Variants in KIFC3 observed in about 807,000 individuals in gnomAD.
KIFC3 encodes the protein kinesin family member C3, also known as kinesin-like protein KIFC3.
A neutral mutation model predicts 101.8 loss-of-function variants in KIFC3; 60 were observed. The ratio of observed to expected loss-of-function variants is 0.59; its 90% CI spans 0.48 to 0.73. KIFC3 has a LOEUF of 0.73. Among genes scored for constraint, KIFC3 ranks in the 30% least tolerant of loss-of-function variants. The pLI is 0.00. For missense variants in KIFC3, 966 were observed against 1,137.1 expected, an observed-to-expected ratio of 0.85 and a Z score of 2.16; for synonymous variants, 476 against 482.7, an observed-to-expected ratio of 0.99 and a Z score of 0.18.
intron 3 of KIFC3, among the ~76,000 whole-genome samples, chr16:57,773,422 G>A (rs1314660031): frequency 2.0e-5 from 3 of 152,176 alleles, no homozygotes; most frequent in Admixed American, 1.3e-4. Context: ...ACCCAGCATC[G>A]CCAAAATTCT....
At chr16:57,787,144 C>T (rs1259717170) in intron 3 of KIFC3, among the ~76,000 whole-genome samples, 1 of 152,248 alleles carries the variant, frequency 6.6e-6, no homozygotes, top group Non-Finnish European at 1.5e-5. Context: ...ATGAGCAGCA[C>T]GTGACCAGCG....
At chr16:57,792,061 AG>A (rs2053919032) in intron 3 of KIFC3, among the ~76,000 whole-genome samples, 1 of 152,240 alleles carries the variant, frequency 6.6e-6, no homozygotes, top group Admixed American at 6.5e-5. Context: ...GTCCCCTTGA[AG>A]GGTATGTGTT....
rs1555628177 is a variant in KIFC3, at chr16:57,813,627, G to T, written c.109-15345C>A. 3.1e-6 allele frequency: 3 copies of T among 957,506 alleles called. No individual in the cohort carries two copies. The East Asian group carries it at 3.4e-4, about 110-fold the overall frequency. 59.3% of individuals were successfully genotyped at this position (957,506 alleles called of 1,614,324 possible). On this transcript the variant is annotated intron_variant, in intron 1 of 2. Coordinates refer to the KIFC3 transcript ENST00000563028. ...AAACCTGCATGCCTGCCGAGTGCCT[G>T]CATGACAATAATTAGGATTTCCTAT...
Position 57,798,146 on chromosome 16 carries a change from G to A in KIFC3, c.98C>T (p.Ala33Val), listed in dbSNP as rs943939304. 6.5e-7 allele frequency: 1 copy of A among 1,549,554 alleles called. No homozygotes were observed. Among genetic ancestry groups the A allele is most frequent in the Admixed American group, 2.0e-5 (1 of 50,958 alleles). Reference sequence around the variant, plus strand: ...GCTGGCTGGGGCTGGGGCGGGGCGAGCCATCCCCGGCTCGGGCTCCGGGGC... The same window carrying A: ...GCTGGCTGGGGCTGGGGCGGGGCGAACCATCCCCGGCTCGGGCTCCGGGGC... ...GRAPEPEPGM[A>V]RPAPAPASPA... Residue 33 changes from alanine to valine, a missense_variant, in exon 2 of 20, where the codon GCT (alanine) becomes GTT (valine). Transcript: ENST00000445690.
At chr16:57,824,332 A>G (rs2055416086) in intron 1 of KIFC3, among the ~76,000 whole-genome samples, 1 of 152,250 alleles carries the variant, frequency 6.6e-6, no homozygotes, top group Admixed American at 6.5e-5. Context: ...CAGCCCACCC[A>G]GCAAGAGCTG....
Position 57,862,824 on chromosome 16 carries a change from C to A in KIFC3, c.13G>T (p.Glu5Ter). 7.8e-7 allele frequency: 1 copy of A among 1,287,812 alleles called. No homozygotes were observed. Among genetic ancestry groups the A allele is most frequent in the African/African-American group, 1.5e-5 (1 of 65,928 alleles). 79.8% of individuals were successfully genotyped at this position (1,287,812 alleles called of 1,614,324 possible). ...AGAGTGTTCTTCCTGAAAAGAAACT[C>A]CATCTGTGCCATTTTCCGAGCAATA... The change falls in exon 1 of 3, where the codon GAG (glutamate) becomes TAG (stop). Residue 5 changes from glutamate (E) to a stop codon, truncating the protein, a stop_gained. Transcript: ENST00000563028. LOFTEE classifies it high-confidence loss of function.
chr16:57,819,630 C>T (rs182561211), intron 1 of KIFC3, among the ~76,000 whole-genome samples: 39 of 151,696 alleles, frequency 2.6e-4, no homozygotes, highest in Admixed American at 1.6e-3. Flanking sequence ...GTGTGATCTC[C>T]GCTCACTGCA....
intron 1 of KIFC3, among the ~76,000 whole-genome samples, chr16:57,847,109 C>T (rs962746260): frequency 6.6e-6 from 1 of 151,264 alleles, no homozygotes; most frequent in South Asian, 2.1e-4. Flanking sequence ...CTCTTGAACA[C>T]GGGAGGCGGG....
In KIFC3 at chr16:57,798,310, T is replaced by C. The variant is rs966340715; in HGVS notation, c.-39-28A>G. ...GCGGAGAGAACAAGGGGAGATAAGC[T>C]TGAAGACCGTGGACCAGCACAACTG... On this transcript the variant is annotated intron_variant, in intron 1 of 19. Transcript: ENST00000445690. The C allele has an allele frequency of 7.2e-6, 11 of 1,533,374 alleles. No individual in the cohort carries two copies. The Admixed American group carries it at 1.6e-4, about 22-fold the overall frequency. 95.0% of individuals were successfully genotyped at this position (1,533,374 alleles called of 1,614,324 possible).
intron 1 of KIFC3, among the ~76,000 whole-genome samples, chr16:57,821,285 G>T (rs1010506245): frequency 2.6e-5 from 4 of 152,130 alleles, no homozygotes; most frequent in African/African-American, 9.7e-5. Flanking sequence ...AAGAGGGGTG[G>T]CTGGGCATCA....
In KIFC3 at chr16:57,761,476, A is replaced by G. The variant is rs1158123628; in HGVS notation, c.1809T>C (p.Ser603=). Reference sequence around the variant, plus strand: ...TCAGCCCTGGTACATACAGCTGCCCACTGCCGTCTGGGCACAGCCGGATCT... The same window carrying G: ...TCAGCCCTGGTACATACAGCTGCCCGCTGCCGTCTGGGCACAGCCGGATCT... ...KLEIRLCPDG[S]GQLYVPGLTE... The change falls in exon 14 of 20, where the codon AGT becomes AGC. Residue 603 remains serine, a synonymous_variant. Transcript: ENST00000445690. 2 of 1,613,704 alleles carry G rather than the reference A, an allele frequency of 1.2e-6. No homozygotes were observed. Among genetic ancestry groups the G allele is most frequent in the Non-Finnish European group, 1.7e-6 (2 of 1,179,876 alleles).
chr16:57,798,230 C>G lies in KIFC3; in HGVS notation c.14G>C (p.Arg5Pro), dbSNP rs782595620. ...CGTGGCTCCCAGGTTCCACGTCCTG[C>G]GAGAGGGGACCATGGCCTGGGGCTC... MVPS[R>P]RTWNLGATPS... The change falls in exon 2 of 20, where the codon CGC (arginine) becomes CCC (proline). Residue 5 changes from arginine to proline, a missense_variant. Arg to Pro is a moderately radical substitution (Grantham distance 103). Coordinates refer to ENST00000445690, the MANE Select transcript of KIFC3 (RefSeq NM_001130100.2). The G allele has an allele frequency of 6.4e-7, 1 of 1,551,040 alleles. No homozygotes were observed. The highest frequency in any genetic ancestry group is 2.1e-4 in the Middle Eastern group (1 of 4,704).
At chr16:57,823,978 G>A (rs1555630336) in intron 1 of KIFC3, among the ~76,000 whole-genome samples, 2 of 152,162 alleles carry the variant, frequency 1.3e-5, no homozygotes, top group Admixed American at 6.5e-5. Context: ...AATAAAGTCT[G>A]CAATTATGAA....
chr16:57,774,983 G>C, intron 3 of KIFC3: 10 of 1,533,986 alleles, frequency 6.5e-6, no homozygotes, highest in Non-Finnish European at 7.9e-6. Flanking sequence ...CACTAACCTT[G>C]ATCATCTCCA....
chr16:57,764,985 G>A (rs1165825724), intron 11 of KIFC3, among the ~76,000 whole-genome samples: 2 of 151,784 alleles, frequency 1.3e-5, no homozygotes, highest in Non-Finnish European at 2.9e-5. Flanking sequence ...GGCCTTGGGA[G>A]TGGGCAGGGC....
intron 1 of KIFC3, among the ~76,000 whole-genome samples, chr16:57,839,325 A>G (rs1316435387): frequency 6.6e-6 from 1 of 152,134 alleles, no homozygotes; most frequent in East Asian, 1.9e-4. Flanking sequence ...GGATCCCTTG[A>G]GCTCAGGAGT....
chr16:57,760,662 G>A, intron 16 of KIFC3, 64 bp downstream of exon 16: 1 of 1,424,866 alleles, frequency 7.0e-7, no homozygotes, highest in Non-Finnish European at 9.9e-7. Context: ...GGGGTGACTG[G>A]GTCTCACTGC....
At position 57,798,848 on chromosome 16, in the gene KIFC3, C is replaced by T. The variant is rs573042442; in HGVS notation, c.-39-566G>A. 9.2e-5 allele frequency among the ~76,000 whole-genome samples: 14 copies of T among 152,276 alleles called. No homozygotes were observed. The South Asian group carries it at 2.5e-3, about 27-fold the overall frequency. ...TACAGTAAGTTCTCATTCATGTATT[C>T]GACTAGCCTGCGCTCTGTGCCTAGC... On this transcript the variant is annotated intron_variant, in intron 1 of 19. Transcript: ENST00000445690.
At chr16:57,862,224 G>A (rs1002309318) in intron 1 of KIFC3, among the ~76,000 whole-genome samples, 2 of 145,132 alleles carry the variant, frequency 1.4e-5, no homozygotes, top group African/African-American at 5.1e-5. Context: ...TACAGACAGG[G>A]TCTTTCCCAG....
Sources: gnomAD v4.1 joint callset for allele counts (sites outside exome capture counted in the v4.1 genomes callset) on GRCh38, gnomAD v4.1.1 for gene constraint, MANE v1.5 for transcripts, NCBI Gene and HGNC (gene_info 2026-07-23, HGNC 2026-07-21) for gene names.